Variants in PBX3 observed in about 807,000 individuals in gnomAD.
PBX3 encodes pre-B-cell leukemia transcription factor 3.
PBX3 carries 14 observed loss-of-function variants against 48.5 expected under a neutral mutation model. That is an observed-to-expected ratio of 0.29 (90% confidence interval 0.19 to 0.45). The LOEUF is 0.45. Ranked by LOEUF, PBX3 falls within the 20% of genes least tolerant of loss-of-function variation. PBX3 has a pLI of 1.00. For missense variants in PBX3, 386 were observed against 546.7 expected, an observed-to-expected ratio of 0.71 and a Z score of 2.93; for synonymous variants, 210 against 200.3, an observed-to-expected ratio of 1.05 and a Z score of -0.41.
chr9:125,766,000 A>C (rs571006298), intron 2 of PBX3, among the ~76,000 whole-genome samples: 2 of 152,268 alleles, frequency 1.3e-5, no homozygotes, highest in Admixed American at 1.3e-4. Flanking sequence ...GCCTAAGTTA[A>C]TACTGATAGT....
At chr9:125,755,330 A>G (rs1215699824) in intron 2 of PBX3, among the ~76,000 whole-genome samples, 1 of 152,184 alleles carries the variant, frequency 6.6e-6, no homozygotes, top group Non-Finnish European at 1.5e-5. Flanking sequence ...CTAAATTAAG[A>G]TTCTAAACAG....
At chr9:125,819,598 A>G (rs987692969) in intron 2 of PBX3, among the ~76,000 whole-genome samples, 2 of 152,186 alleles carry the variant, frequency 1.3e-5, no homozygotes, top group African/African-American at 2.4e-5. Context: ...GAAACGTGCA[A>G]ATACTACTGA....
chr9:125,926,175 A>G (rs1841570914), intron 3 of PBX3, among the ~76,000 whole-genome samples: 1 of 152,226 alleles, frequency 6.6e-6, no homozygotes, highest in South Asian at 2.1e-4. Flanking sequence ...ATATACGTAT[A>G]TTTATTGGTA....
At chr9:125,824,075 C>CA (rs57963250) in intron 2 of PBX3, among the ~76,000 whole-genome samples, 15,797 of 107,536 alleles carry the variant, frequency 0.15, 887 homozygotes, top group Middle Eastern at 0.24. Context: ...GACTTTGTCT[C>CA]AAAAAAAAAA....
chr9:125,748,869 C>G (rs1460387523), intron 2 of PBX3: 1 of 341,798 alleles, frequency 2.9e-6, no homozygotes, highest in Non-Finnish European at 5.4e-6. Context: ...GGCGGCCGCC[C>G]CTGGCTGCAG....
chr9:125,955,662 G>T (rs1223875874), intron 5 of PBX3, among the ~76,000 whole-genome samples: 2 of 152,142 alleles, frequency 1.3e-5, no homozygotes, highest in Non-Finnish European at 2.9e-5. Flanking sequence ...GGATTGAAAC[G>T]GAGGTCCCGT....
chr9:125,956,657 A>G (rs1224046680), intron 5 of PBX3, among the ~76,000 whole-genome samples: 1 of 152,196 alleles, frequency 6.6e-6, no homozygotes, highest in Non-Finnish European at 1.5e-5. Context: ...TAGAAGAGGG[A>G]GAGTACTTGT....
chr9:125,837,954 C>T (rs1376256388), intron 2 of PBX3, among the ~76,000 whole-genome samples: 1 of 152,156 alleles, frequency 6.6e-6, no homozygotes, highest in African/African-American at 2.4e-5. Context: ...AGAGTGCATT[C>T]TAGGTTTGTA....
intron 5 of PBX3, among the ~76,000 whole-genome samples, chr9:125,954,780 G>A (rs572548138): frequency 2.6e-5 from 4 of 152,202 alleles, no homozygotes; most frequent in African/African-American, 4.8e-5. Flanking sequence ...CTCGTGATCC[G>A]CCCGCCTCGG....
intron 5 of PBX3, among the ~76,000 whole-genome samples, chr9:125,956,343 C>T (rs994245311): frequency 6.6e-6 from 1 of 152,172 alleles, no homozygotes; most frequent in Non-Finnish European, 1.5e-5. Context: ...CCCTCCAAGT[C>T]AGAGATTCTA....
intron 2 of PBX3, among the ~76,000 whole-genome samples, chr9:125,851,438 T>C (rs980200453): frequency 7.9e-5 from 12 of 152,080 alleles, no homozygotes; most frequent in African/African-American, 1.4e-4. Context: ...AAGTCCGTCA[T>C]TGAAAACCAA....
chr9:125,914,983 A>C (rs1841292524), intron 2 of PBX3, among the ~76,000 whole-genome samples: 1 of 152,198 alleles, frequency 6.6e-6, no homozygotes, highest in Non-Finnish European at 1.5e-5. Flanking sequence ...TTAGATTGAG[A>C]CTACTGTGCC....
At chr9:125,841,305 T>G (rs1429123603) in intron 2 of PBX3, among the ~76,000 whole-genome samples, 6 of 152,184 alleles carry the variant, frequency 3.9e-5, no homozygotes, top group Admixed American at 3.9e-4. Context: ...CTGTTGAAAA[T>G]TCAAATAATT....
chr9:125,949,458 C>T, intron 5 of PBX3: 3 of 1,550,570 alleles, frequency 1.9e-6, no homozygotes, highest in Non-Finnish European at 2.6e-6. Context: ...TTCACAGGCT[C>T]CCTGAAGGTA....
At chr9:125,928,975 T>C (rs1402406735) in intron 3 of PBX3, among the ~76,000 whole-genome samples, 2 of 152,230 alleles carry the variant, frequency 1.3e-5, no homozygotes, top group Non-Finnish European at 2.9e-5. Flanking sequence ...CTTTACATAT[T>C]ATCTGTATTC....
chr9:125,810,365 A>AGTGT (rs113025234), intron 2 of PBX3, among the ~76,000 whole-genome samples: 3,942 of 145,480 alleles, frequency 0.027, 115 homozygotes, highest in Admixed American at 0.081. Flanking sequence ...AGCAGGAATG[A>AGTGT]GTGTGTGTGT....
rs1308785535 is a variant in PBX3 at position 125,967,183 on chromosome 9, C to T, written c.*1260C>T. 6.6e-6 allele frequency: 1 copy of T among 152,200 alleles called. No homozygotes were observed. Among genetic ancestry groups the T allele is most frequent in the Non-Finnish European group, 1.5e-5 (1 of 68,034 alleles). 9.4% of individuals were successfully genotyped at this position (152,200 alleles called of 1,614,324 possible). ...ACCCTGTGTAATGGGGCCCCCTCTC[C>T]TTTCTCTCTTTTTGTATTGTATGCG... On this transcript the variant is annotated 3_prime_UTR_variant, in exon 9 of 9. Transcript: ENST00000373489.
chr9:125,776,162 C>G (rs1837065584), intron 2 of PBX3, among the ~76,000 whole-genome samples: 1 of 152,126 alleles, frequency 6.6e-6, no homozygotes, highest in Non-Finnish European at 1.5e-5. Context: ...GCATTCTTGT[C>G]TTATTCTTAA....
chr9:125,961,685 A>T (rs890147535), intron 6 of PBX3, among the ~76,000 whole-genome samples: 1 of 152,168 alleles, frequency 6.6e-6, no homozygotes, highest in Admixed American at 6.5e-5. Context: ...ATGCATAGCG[A>T]AGAAAGAGCT....
Sources: gnomAD v4.1 joint callset for allele counts (sites outside exome capture counted in the v4.1 genomes callset) on GRCh38, gnomAD v4.1.1 for gene constraint, MANE v1.5 for transcripts, NCBI Gene and HGNC (gene_info 2026-07-23, HGNC 2026-07-21) for gene names.